TPTE2: variants seen among roughly 807,000 people sequenced by gnomAD.
The protein encoded by TPTE2 is phosphatidylinositol 3,4,5-trisphosphate 3-phosphatase TPTE2.
In TPTE2, 53 loss-of-function variants were observed where a neutral mutation model predicts 78.6. That is an observed-to-expected ratio of 0.67 (90% CI 0.54 to 0.85). TPTE2 has a LOEUF of 0.85. Ranked by LOEUF, TPTE2 falls within the 40% of genes least tolerant of loss-of-function variation. The probability of loss-of-function intolerance (pLI) is 0.00; values close to 1 mark genes in which losing one functional copy is unlikely to be tolerated. For missense variants in TPTE2, 461 were observed against 623.0 expected, an observed-to-expected ratio of 0.74 and a Z score of 2.77; for synonymous variants, 175 against 206.2, an observed-to-expected ratio of 0.85 and a Z score of 1.30.
rs202193643 is a variant in TPTE2, at chr13:19,426,371, A to G, written c.1395+54T>C. On this transcript the variant is annotated intron_variant, in intron 18 of 19. Coordinates refer to ENST00000400230, the Ensembl canonical transcript of TPTE2. ...AATTGTAGTAAAGCAAATCTGAAAT[A>G]AAATCATTAGACCAGACAAGAACAA... 3.8e-3 allele frequency: 3,827 copies of G among 1,011,456 alleles called. 45 individuals are homozygous for G. Among genetic ancestry groups the G allele is most frequent in the African/African-American group, 0.036 (2,199 of 61,010 alleles). The allele number at this position is 1,011,456 out of a possible 1,614,324, so 62.7% of individuals were successfully genotyped here.
intron 1 of TPTE2, among the ~76,000 whole-genome samples, chr13:19,511,427 A>C (rs1162110222): frequency 6.6e-6 from 1 of 152,260 alleles, no homozygotes; most frequent in Non-Finnish European, 1.5e-5. Context: ...CTGTATATTA[A>C]ACATATGAAA....
At chr13:19,474,961 AT>A (rs1879841748) in intron 5 of TPTE2, among the ~76,000 whole-genome samples, 1 of 152,226 alleles carries the variant, frequency 6.6e-6, no homozygotes, top group Non-Finnish European at 1.5e-5. Flanking sequence ...TTTGATTTTC[AT>A]TAATGTTACT....
intron 18 of TPTE2, among the ~76,000 whole-genome samples, 182 bp from the exon 22 acceptor site, chr13:19,425,199 C>T (rs1875937195): frequency 6.6e-6 from 1 of 152,160 alleles, no homozygotes; most frequent in African/African-American, 2.4e-5. Flanking sequence ...TAAGAAAATG[C>T]TATTGCATTC....
the TPTE2 span, among the ~76,000 whole-genome samples, chr13:19,558,771 A>G: frequency 6.6e-6 from 1 of 152,232 alleles, no homozygotes; most frequent in Admixed American, 6.5e-5. Flanking sequence ...GCTAGCTTAC[A>G]CATTCCACTG....
chr13:19,434,270 A>G (rs1373981313), intron 15 of TPTE2, among the ~76,000 whole-genome samples: 3 of 152,144 alleles, frequency 2.0e-5, no homozygotes, highest in Non-Finnish European at 2.9e-5. Context: ...AAAGCAAGAG[A>G]CTACTTCAGG....
chr13:19,425,236 A>C (rs1300943517), intron 18 of TPTE2, among the ~76,000 whole-genome samples: 1 of 152,228 alleles, frequency 6.6e-6, no homozygotes, highest in African/African-American at 2.4e-5. Flanking sequence ...AAAATTTTCA[A>C]GGAATAGTGT....
intron 3 of TPTE2, among the ~76,000 whole-genome samples, chr13:19,489,149 C>A (rs1376821721): frequency 6.6e-6 from 1 of 151,860 alleles, no homozygotes; most frequent in Non-Finnish European, 1.5e-5. Flanking sequence ...TTCGTGTTGC[C>A]CCAAAACAAT....
intron 6 of TPTE2, among the ~76,000 whole-genome samples, chr13:19,468,352 G>GT (rs1313444326): frequency 6.6e-6 from 1 of 151,832 alleles, no homozygotes; most frequent in Non-Finnish European, 1.5e-5. Context: ...GGATCTTATT[G>GT]TTTTTTATGG....
intron 13 of TPTE2, among the ~76,000 whole-genome samples, chr13:19,446,077 A>T (rs373474656): frequency 6.6e-6 from 1 of 151,552 alleles, no homozygotes; most frequent in Non-Finnish European, 1.5e-5. Context: ...AAGACATGAT[A>T]AAAAAAGTAT....
At chr13:19,435,306 AG>A (rs1399630781) in intron 15 of TPTE2, among the ~76,000 whole-genome samples, 1 of 152,222 alleles carries the variant, frequency 6.6e-6, no homozygotes, top group Non-Finnish European at 1.5e-5. Context: ...AAAAGTGTTA[AG>A]GTTTTTTGTT....
intron 3 of TPTE2, among the ~76,000 whole-genome samples, chr13:19,488,028 A>G (rs2137627472): frequency 6.6e-6 from 1 of 152,248 alleles, no homozygotes; most frequent in South Asian, 2.1e-4. Context: ...GGCCAATTCA[A>G]TCCAGATGGG....
intron 1 of TPTE2, among the ~76,000 whole-genome samples, chr13:19,532,700 C>G (rs890607212): frequency 3.9e-5 from 6 of 152,194 alleles, no homozygotes; most frequent in Non-Finnish European, 8.8e-5. Flanking sequence ...TGTCTCTTTC[C>G]TATGAGCATG....
chr13:19,479,823 C>T (rs1258161382), intron 4 of TPTE2, among the ~76,000 whole-genome samples: 3 of 151,808 alleles, frequency 2.0e-5, no homozygotes, highest in Non-Finnish European at 2.9e-5. Context: ...ATTAGCTGGG[C>T]GTGGTGGTGC....
In TPTE2 at chr13:19,451,213, A is replaced by C. The variant is rs201186141; in HGVS notation, c.754T>G (p.Phe252Val). The C allele has an allele frequency of 6.8e-6, 11 of 1,613,348 alleles. No homozygotes were observed. Among genetic ancestry groups the C allele is most frequent in the Admixed American group, 3.3e-5 (2 of 59,952 alleles). ...TGGTTTCGATGTTTCTTATCTAGAA[A>C]CCGCACAACTTCCTAAAAAAGACAA... is the stretch of plus-strand genomic sequence containing the variant. The change falls in exon 11 of 20, where the codon TTT becomes GTT. Residue 252 changes from phenylalanine (F) to valine (V), a missense_variant. Transcript: ENST00000400230.
At chr13:19,524,215 C>CA (rs1316646274) in intron 1 of TPTE2, among the ~76,000 whole-genome samples, 1 of 152,164 alleles carries the variant, frequency 6.6e-6, no homozygotes, top group East Asian at 1.9e-4. Flanking sequence ...GTAGAAAAGA[C>CA]AAAGTTGGAA....
intron 10 of TPTE2, among the ~76,000 whole-genome samples, chr13:19,460,147 G>A (rs1053363789): frequency 6.6e-6 from 1 of 152,198 alleles, no homozygotes; most frequent in African/African-American, 2.4e-5. Flanking sequence ...CAGCTGATGT[G>A]CCCAGACTCC....
chr13:19,485,881 TATG>T (rs1317148169), intron 3 of TPTE2, among the ~76,000 whole-genome samples: 9 of 152,140 alleles, frequency 5.9e-5, no homozygotes, highest in Admixed American at 5.2e-4. Flanking sequence ...TGGTTATTTT[TATG>T]ATATCTGTAT....
chr13:19,476,904 A>C (rs1415334357), intron 4 of TPTE2, among the ~76,000 whole-genome samples: 6 of 152,230 alleles, frequency 3.9e-5, no homozygotes, highest in Admixed American at 2.6e-4. Flanking sequence ...ATAAAGATAC[A>C]TGCATATGAA....
intron 10 of TPTE2, among the ~76,000 whole-genome samples, chr13:19,455,896 T>G (rs1034224636): frequency 6.6e-5 from 10 of 152,172 alleles, no homozygotes; most frequent in African/African-American, 1.9e-4. Flanking sequence ...TGTCTTAATC[T>G]AGTAAAGAAT....
Sources: allele counts gnomAD v4.1 joint callset (sites outside exome capture counted in the v4.1 genomes callset), GRCh38; gene constraint gnomAD v4.1.1; transcripts MANE v1.5; gene names NCBI Gene and HGNC (gene_info 2026-07-23, HGNC 2026-07-21).